MYT1L: variants seen among roughly 807,000 people sequenced by gnomAD.
MYT1L encodes the protein myelin transcription factor 1-like protein.
MYT1L carries 12 observed loss-of-function variants against 126.7 expected under a neutral mutation model. That is an observed-to-expected ratio of 0.09 (90% CI 0.06 to 0.15). The LOEUF (loss-of-function observed/expected upper bound fraction) is 0.15, where lower values mean the gene tolerates loss of function less well. Ranked by LOEUF, MYT1L falls within the 10% of genes least tolerant of loss-of-function variation. The probability of loss-of-function intolerance (pLI) is 1.00; values close to 1 mark genes in which losing one functional copy is unlikely to be tolerated. For missense variants in MYT1L, 979 were observed against 1,585.2 expected (o/e 0.62, Z 6.49); for synonymous variants, 541 against 604.2 (o/e 0.90, Z 1.53).
intron 9 of MYT1L, among the ~76,000 whole-genome samples, chr2:1,937,691 C>T (rs1036846339): frequency 1.3e-5 from 2 of 150,540 alleles, no homozygotes; most frequent in African/African-American, 2.4e-5. Flanking sequence ...CCCTAATGTC[C>T]ACAGCCATCA....
intron 1 of MYT1L, chr2:2,324,198 A>C (rs1486513579): frequency 6.6e-6 from 1 of 152,198 alleles, no homozygotes; most frequent in Non-Finnish European, 1.5e-5. Flanking sequence ...GAGCAGCCTC[A>C]AGACTTGCAA....
At chr2:2,158,424 G>A (rs1307624454) in intron 3 of MYT1L, among the ~76,000 whole-genome samples, 3 of 152,146 alleles carry the variant, frequency 2.0e-5, no homozygotes, top group African/African-American at 4.8e-5. Context: ...CCTGGGCTGC[G>A]CCTGACAAGG....
At chr2:1,870,537 CTT>C (rs1407765566) in intron 18 of MYT1L, among the ~76,000 whole-genome samples, 5 of 152,144 alleles carry the variant, frequency 3.3e-5, no homozygotes, top group African/African-American at 7.2e-5. Context: ...CCAGGGGTCT[CTT>C]TTCAGTTGGT....
intron 1 of MYT1L, among the ~76,000 whole-genome samples, chr2:2,295,639 G>C (rs1447712545): frequency 2.8e-5 from 4 of 144,642 alleles, no homozygotes; most frequent in Admixed American, 6.8e-5. Context: ...GACAGACAGA[G>C]AGAGAGATAG....
At chr2:2,182,831 T>C (rs1448612147) in intron 2 of MYT1L, among the ~76,000 whole-genome samples, 1 of 152,100 alleles carries the variant, frequency 6.6e-6, no homozygotes, top group Non-Finnish European at 1.5e-5. Flanking sequence ...CTGAGATGGA[T>C]AAACATCACA....
chr2:2,171,622 C>CGTG (rs972841649), intron 3 of MYT1L, among the ~76,000 whole-genome samples: 1 of 150,906 alleles, frequency 6.6e-6, no homozygotes, highest in African/African-American at 2.4e-5. Context: ...TTTTTGTCGT[C>CGTG]GTCGTTGTTG....
chr2:2,133,466 G>A (rs766044012), intron 3 of MYT1L, among the ~76,000 whole-genome samples: 2 of 152,148 alleles, frequency 1.3e-5, no homozygotes, highest in Non-Finnish European at 2.9e-5. Flanking sequence ...TATTTGTGGA[G>A]ATTAATCCCA....
intron 1 of MYT1L, among the ~76,000 whole-genome samples, chr2:2,301,434 T>G (rs1278583726): frequency 2.6e-5 from 4 of 152,202 alleles, no homozygotes; most frequent in South Asian, 2.1e-4. Context: ...TCAGCCTTAT[T>G]ATGTGTCAGG....
At position 2,000,541 on chromosome 2, in the gene MYT1L, G is replaced by A. The variant is rs528544166; in HGVS notation, c.-157-3194C>T. Among the ~76,000 whole-genome samples, 4 of 152,290 alleles carry A rather than the reference G, an allele frequency of 2.6e-5. No homozygotes were observed. In the South Asian group the frequency reaches 8.3e-4, roughly 32 times the overall value. On this transcript the variant is annotated intron_variant, in intron 4 of 24. Coordinates refer to ENST00000647738, the MANE Select transcript of MYT1L (RefSeq NM_001303052.2). Reference sequence around the variant, plus strand: ...GGCTGGGCAGGTCCTGTCTCAGAGGGACCACAGGGTGGGTGTGGTGTGTAG... The same window carrying A: ...GGCTGGGCAGGTCCTGTCTCAGAGGAACCACAGGGTGGGTGTGGTGTGTAG...
intron 9 of MYT1L, among the ~76,000 whole-genome samples, chr2:1,936,775 G>A (rs942929577): frequency 6.6e-6 from 1 of 152,134 alleles, no homozygotes; most frequent in African/African-American, 2.4e-5. Context: ...GTCCTGCAGG[G>A]AAGCTGGGGA....
intron 3 of MYT1L, among the ~76,000 whole-genome samples, chr2:2,067,993 G>GT (rs2074084513): frequency 6.6e-6 from 1 of 152,088 alleles, no homozygotes; most frequent in Non-Finnish European, 1.5e-5. Context: ...TAATTACAAT[G>GT]TTTTTTGAAG....
chr2:1,937,356 C>T (rs921550825), intron 9 of MYT1L, among the ~76,000 whole-genome samples: 1 of 152,072 alleles, frequency 6.6e-6, no homozygotes, highest in Non-Finnish European at 1.5e-5. Context: ...CATCAGATCG[C>T]ACAGCGAGAA....
intron 3 of MYT1L, among the ~76,000 whole-genome samples, chr2:2,063,391 A>G (rs1327635528): frequency 6.6e-6 from 1 of 152,140 alleles, no homozygotes; most frequent in African/African-American, 2.4e-5. Flanking sequence ...ACAGCATTAG[A>G]AAGCCTCCTG....
At chr2:1,893,064 T>A (rs1558303811) in intron 14 of MYT1L, among the ~76,000 whole-genome samples, 1 of 152,146 alleles carries the variant, frequency 6.6e-6, no homozygotes, top group Non-Finnish European at 1.5e-5. Context: ...AGCCACGGCC[T>A]CTCTGTTCCC....
chr2:2,055,975 T>C (rs1558871648), intron 3 of MYT1L, among the ~76,000 whole-genome samples: 1 of 152,230 alleles, frequency 6.6e-6, no homozygotes, highest in Non-Finnish European at 1.5e-5. Flanking sequence ...AGGCCATTCC[T>C]GTGGGAGCAG....
In MYT1L at chr2:2,159,652, CT is replaced by C. The variant is rs2087493268; in HGVS notation, c.-304+13219del. ...CCTTAGCGAGGGGGCGTGGATCCCC[CT>C]GGATGCCCCTGGAGAATTGAATATC... On this transcript the variant is annotated intron_variant, in intron 3 of 24. Transcript: ENST00000647738. Among the ~76,000 whole-genome samples, 5 of 152,144 alleles carry C rather than the reference CT, an allele frequency of 3.3e-5. No homozygotes were observed. In the South Asian group the frequency reaches 1.0e-3, roughly 32 times the overall value.
At chr2:2,286,881 C>T (rs564667521) in intron 1 of MYT1L, among the ~76,000 whole-genome samples, 1 of 152,286 alleles carries the variant, frequency 6.6e-6, no homozygotes, top group African/African-American at 2.4e-5. Context: ...GTGGAAGAGA[C>T]TTAGTGTCAA....
rs569937187 is a variant in MYT1L, at chr2:2,176,500, CTT to C, written c.-420-3514_-420-3513del. Among the ~76,000 whole-genome samples, 548 of 141,688 alleles carry C rather than the reference CTT, an allele frequency of 3.9e-3. 3 individuals carry two copies. The highest frequency in any genetic ancestry group is 0.012 in the African/African-American group (456 of 38,712). 93.0% of individuals were successfully genotyped at this position (141,688 alleles called of 152,430 possible). The stretch of plus-strand genomic sequence containing the variant: ...TGCAATATCAATATTTAGGACATAA[CTT>C]TTTTTTTTTTTTTTTGAGGTGGAGT... On this transcript the variant is annotated intron_variant, in intron 2 of 24. Transcript: ENST00000647738.
chr2:1,870,911 C>G (rs111546924), intron 18 of MYT1L, among the ~76,000 whole-genome samples: 9,057 of 152,280 alleles, frequency 0.059, 788 homozygotes, highest in African/African-American at 0.2. Context: ...CTGCGAGCTG[C>G]CCACTGGGCA....
Sources: allele counts gnomAD v4.1 joint callset (sites outside exome capture counted in the v4.1 genomes callset), GRCh38; gene constraint gnomAD v4.1.1; transcripts MANE v1.5; gene names NCBI Gene and HGNC (gene_info 2026-07-23, HGNC 2026-07-21).